The following FAM204A variants were observed in gnomAD, a reference collection of about 807,000 sequenced individuals.
FAM204A encodes family with sequence similarity 204 member A, also known as protein FAM204A.
A neutral mutation model predicts 35.4 loss-of-function variants in FAM204A; 16 were observed. That is an observed-to-expected ratio of 0.45 (90% CI 0.31 to 0.69). The LOEUF (loss-of-function observed/expected upper bound fraction) is 0.69, where lower values mean the gene tolerates loss of function less well. Ranked by LOEUF, FAM204A falls within the 30% of genes least tolerant of loss-of-function variation. The probability of loss-of-function intolerance (pLI) is 0.07; values close to 1 mark genes in which losing one functional copy is unlikely to be tolerated. For synonymous variants in FAM204A, 76 were observed against 86.9 expected, an observed-to-expected ratio of 0.88 and a Z score of 0.70; for missense variants, 240 against 265.7, an observed-to-expected ratio of 0.90 and a Z score of 0.67.
intron 7 of FAM204A, among the ~76,000 whole-genome samples, chr10:118,324,158 C>T (rs1846162116): frequency 6.6e-6 from 1 of 152,014 alleles, no homozygotes; most frequent in Admixed American, 6.6e-5. Context: ...GAAAGCTATA[C>T]TCAGTGAATC....
intron 7 of FAM204A, among the ~76,000 whole-genome samples, chr10:118,317,676 A>G (rs1846052723): frequency 6.6e-6 from 1 of 152,046 alleles, no homozygotes; most frequent in South Asian, 2.1e-4. Context: ...AACTAGATGT[A>G]AAGAAATTCA....
chr10:118,331,924 C>T (rs970208626), intron 6 of FAM204A, among the ~76,000 whole-genome samples: 5 of 149,346 alleles, frequency 3.3e-5, no homozygotes, highest in African/African-American at 1.2e-4. Context: ...GCCTATAATT[C>T]CAGCACTTTG....
rs1429656726 is a variant in FAM204A, at chr10:118,334,053, T to C, written c.453+1061A>G. ...ACCACTCGGCACTTGATTTTCATGC[T>C]CCAACATTTCCCTGTATGAATAAGT... On this transcript the variant is annotated intron_variant, in intron 6 of 8. Coordinates refer to ENST00000369183, the MANE Select transcript of FAM204A (RefSeq NM_022063.3). 9.9e-5 allele frequency among the ~76,000 whole-genome samples: 15 copies of C among 152,168 alleles called. No homozygotes were observed. In the East Asian group the frequency reaches 2.9e-3, roughly 29 times the overall value.
At chr10:118,342,202 G>T (rs1846498683) in intron 1 of FAM204A, 68 bp downstream of exon 1, 1 of 152,362 alleles carries the variant, frequency 6.6e-6, no homozygotes. Flanking sequence ...CCCACAAGAG[G>T]CCCTCCCAGA....
chr10:118,335,964 T>A, intron 3 of FAM204A: 1 of 269,482 alleles, frequency 3.7e-6, no homozygotes, highest in Non-Finnish European at 6.7e-6. Flanking sequence ...GTGGTTTGGG[T>A]TTTTTTTTTT....
rs943587811 is a variant in FAM204A, at chr10:118,304,699, G to A, written c.*6158C>T. On this transcript the variant is annotated 3_prime_UTR_variant, in exon 9 of 9. Coordinates refer to ENST00000369183, the MANE Select transcript of FAM204A (RefSeq NM_022063.3). ...AAGCACTGCCTTTGCCTCACTGACTGAGCATGCAATGCTCTTTCAGCAGGT... is the reference window on the plus strand; with the variant it reads ...AAGCACTGCCTTTGCCTCACTGACTAAGCATGCAATGCTCTTTCAGCAGGT... The A allele has an allele frequency of 2.0e-5, 3 of 152,210 alleles. No homozygotes were observed. Among genetic ancestry groups the A allele is most frequent in the Non-Finnish European group, 2.9e-5 (2 of 68,070 alleles). 9.4% of individuals were successfully genotyped at this position (152,210 alleles called of 1,614,324 possible).
At chr10:118,310,931 C>T in intron 8 of FAM204A, 23 bp from the exon 9 acceptor site, 2 of 1,561,356 alleles carry the variant, frequency 1.3e-6, no homozygotes, top group Non-Finnish European at 1.7e-6. Context: ...ACATACAAAT[C>T]TCAATTTATT....
At position 118,332,531 on chromosome 10, in the gene FAM204A, AATGCCCCTCCCTCCACATCCCT is replaced by A. The variant is rs1368659565; in HGVS notation, c.453+2561_453+2582del. 8.5e-3 allele frequency among the ~76,000 whole-genome samples: 821 copies of A among 96,634 alleles called. 4 individuals are homozygous for A. Among genetic ancestry groups the A allele is most frequent in the Non-Finnish European group, 0.011 (476 of 42,544 alleles). The allele number at this position is 96,634 out of a possible 152,430, so 63.4% of individuals were successfully genotyped here. On this transcript the variant is annotated intron_variant, in intron 6 of 8. Coordinates refer to ENST00000369183, the MANE Select transcript of FAM204A (RefSeq NM_022063.3). ...CCCTATGCCCCTCCCTCCACATCCT[AATGCCCCTCCCTCCACATCCCT>A]ATGCCCCTCCCTCCACCCACTCAAG...
intron 2 of FAM204A, among the ~76,000 whole-genome samples, chr10:118,336,625 A>G (rs915046080): frequency 1.4e-4 from 21 of 152,246 alleles, no homozygotes; most frequent in African/African-American, 5.1e-4. Flanking sequence ...GTAAAAAAAA[A>G]GTTTAGAAGT....
chr10:118,322,259 A>G, intron 7 of FAM204A: 1 of 447,054 alleles, frequency 2.2e-6, no homozygotes. Context: ...ATTTATTCCA[A>G]AGAAAGAAAC....
intron 2 of FAM204A, among the ~76,000 whole-genome samples, 158 bp from the exon 3 acceptor site, chr10:118,336,581 T>C (rs1226677391): frequency 3.3e-5 from 5 of 152,054 alleles, no homozygotes; most frequent in African/African-American, 1.2e-4. Context: ...AGAATGAACC[T>C]GTTATAAAAT....
Position 118,308,587 on chromosome 10 carries a change from C to T in FAM204A, c.*2270G>A, listed in dbSNP as rs374539863. ...GTTTTAGAGCTTTCCACAACCCATG[C>T]CCAGAAAGGAGTGACGACTTGGGAG... On this transcript the variant is annotated 3_prime_UTR_variant, in exon 9 of 9. Coordinates refer to ENST00000369183, the MANE Select transcript of FAM204A (RefSeq NM_022063.3). 10 of 152,318 alleles carry T rather than the reference C, an allele frequency of 6.6e-5. No homozygotes were observed. In the South Asian group the frequency reaches 1.0e-3, roughly 16 times the overall value. The allele number at this position is 152,318 out of a possible 1,614,324, so 9.4% of individuals were successfully genotyped here.
At chr10:118,316,021 A>C (rs141151880) in intron 7 of FAM204A, among the ~76,000 whole-genome samples, 3 of 152,172 alleles carry the variant, frequency 2.0e-5, no homozygotes, top group Admixed American at 2.0e-4. Context: ...CTTTTTATCC[A>C]ATTTTTAATT....
In FAM204A at chr10:118,300,278, A is replaced by G. The variant is rs772208152; in HGVS notation, c.*10579T>C. 2.0e-5 allele frequency: 3 copies of G among 152,234 alleles called. No homozygotes were observed. The highest frequency in any genetic ancestry group is 2.9e-5 in the Non-Finnish European group (2 of 68,038). 9.4% of individuals were successfully genotyped at this position (152,234 alleles called of 1,614,324 possible). On this transcript the variant is annotated 3_prime_UTR_variant, in exon 9 of 9. Coordinates refer to ENST00000369183, the MANE Select transcript of FAM204A (RefSeq NM_022063.3). ...TGGCACAGAGGGAGATGAGGAAATG[A>G]GGAGCTTTGGGAAAACTTGGCTTTC... is the stretch of plus-strand genomic sequence containing the variant.
chr10:118,326,293 T>C, intron 6 of FAM204A, 50 bp from the exon 7 acceptor site: 1 of 1,485,090 alleles, frequency 6.7e-7, no homozygotes, highest in Non-Finnish European at 9.4e-7. Context: ...AAGCAAACAT[T>C]TGCTAGCCAA....
In FAM204A at chr10:118,299,049, G is replaced by GT. The variant is rs1845779592; in HGVS notation, c.*11807dup. The GT allele has an allele frequency of 1.3e-5, 2 of 152,206 alleles. No individual in the cohort carries two copies. The highest frequency in any genetic ancestry group is 2.9e-5 in the Non-Finnish European group (2 of 68,044). The allele number at this position is 152,206 out of a possible 1,614,324, so 9.4% of individuals were successfully genotyped here. On this transcript the variant is annotated 3_prime_UTR_variant, in exon 9 of 9. Coordinates refer to ENST00000369183, the MANE Select transcript of FAM204A (RefSeq NM_022063.3). ...ATCCTTCTCTGGCCCCCTGGACAGT[G>GT]TACGTGTGAGTGACGGTTCCCTCTG...
chr10:118,341,113 G>C (rs946427890), intron 2 of FAM204A, among the ~76,000 whole-genome samples: 1 of 152,158 alleles, frequency 6.6e-6, no homozygotes, highest in African/African-American at 2.4e-5. Context: ...TCAGAGGTTT[G>C]AGTAATAATG....
intron 6 of FAM204A, among the ~76,000 whole-genome samples, chr10:118,330,004 C>A (rs1846265088): frequency 6.6e-6 from 1 of 152,134 alleles, no homozygotes; most frequent in Non-Finnish European, 1.5e-5. Context: ...AGAATATATA[C>A]ATTCCTCAAG....
Position 118,336,318 on chromosome 10 carries a change from T to G in FAM204A, c.98A>C (p.Gln33Pro). ...GATGCTCTCATCCTCTTTATCTTCCTGTAAGTTAAGTCCAGAGTTCTCCAA... is the reference window on the plus strand; with the variant it reads ...GATGCTCTCATCCTCTTTATCTTCCGGTAAGTTAAGTCCAGAGTTCTCCAA... ...ATLENSGLNLQEDKEDESIRK... is the reference protein window; with the variant it reads ...ATLENSGLNLPEDKEDESIRK... The change falls in exon 3 of 9, where the codon CAG (glutamine) becomes CCG (proline). Residue 33 changes from glutamine (Q) to proline (P), a missense_variant. By Grantham distance (76) the Gln-to-Pro change is moderately conservative. Transcript: ENST00000369183. 1.9e-6 allele frequency: 3 copies of G among 1,614,032 alleles called. No homozygotes were observed. The highest frequency in any genetic ancestry group is 2.5e-6 in the Non-Finnish European group (3 of 1,179,886).
Sources: gnomAD v4.1 joint callset for allele counts (sites outside exome capture counted in the v4.1 genomes callset) on GRCh38, gnomAD v4.1.1 for gene constraint, MANE v1.5 for transcripts, NCBI Gene and HGNC (gene_info 2026-07-23, HGNC 2026-07-21) for gene names.